Variants in ZNF107 observed in about 807,000 individuals in gnomAD.
The protein encoded by ZNF107 is zinc finger protein 107.
In ZNF107, 19 loss-of-function variants were observed where a neutral mutation model predicts 12.3. The ratio of observed to expected loss-of-function variants is 1.55; its 90% CI spans 1.08 to 2.27. ZNF107 has a LOEUF of 2.27. ZNF107 is among the 30% of genes most tolerant of loss of function. The probability of loss-of-function intolerance (pLI) is 0.00; values close to 1 mark genes in which losing one functional copy is unlikely to be tolerated. For synonymous variants in ZNF107, 317 were observed against 330.5 expected (o/e 0.96, Z 0.44); for missense variants, 958 against 979.9 (o/e 0.98, Z 0.30).
At chr7:64,698,568 C>T (rs1353444076) in intron 3 of ZNF107, among the ~76,000 whole-genome samples, 6 of 152,008 alleles carry the variant, frequency 3.9e-5, no homozygotes, top group South Asian at 4.1e-4. Flanking sequence ...ATTACAGGCT[C>T]CTGCCACCAT....
chr7:64,687,697 G>A (rs1267538770), intron 1 of ZNF107: 1 of 450,314 alleles, frequency 2.2e-6, no homozygotes, highest in Non-Finnish European at 2.9e-6. Flanking sequence ...TATGACATGT[G>A]CTGTAAATTT....
chr7:64,694,046 C>G (rs1288704620), intron 3 of ZNF107, among the ~76,000 whole-genome samples: 1 of 152,082 alleles, frequency 6.6e-6, no homozygotes. Flanking sequence ...TCTCTACCGC[C>G]CAAAGTGCTG....
chr7:64,704,578 T>C (rs62455807), intron 3 of ZNF107, among the ~76,000 whole-genome samples: 8,267 of 152,278 alleles, frequency 0.054, 306 homozygotes, highest in East Asian at 0.15. Flanking sequence ...TATGTGCTGT[T>C]TTCTTGCATC....
intron 1 of ZNF107, among the ~76,000 whole-genome samples, chr7:64,678,801 T>G (rs142079262): frequency 1.2e-3 from 179 of 152,298 alleles, no homozygotes; most frequent in African/African-American, 4.0e-3. Context: ...ATGATTTTAG[T>G]GTCTTTTATT....
chr7:64,704,130 TATA>T (rs1404707810), intron 3 of ZNF107, among the ~76,000 whole-genome samples: 2 of 105,950 alleles, frequency 1.9e-5, no homozygotes, highest in Non-Finnish European at 3.8e-5. Flanking sequence ...AGCAGGTGTT[TATA>T]ATAATTCCTG....
Position 64,707,416 on chromosome 7 carries a change from T to C in ZNF107, c.1319T>C (p.Leu440Pro). 1 of 1,613,332 alleles carries C rather than the reference T, an allele frequency of 6.2e-7. No homozygotes were observed. Among genetic ancestry groups the C allele is most frequent in the Non-Finnish European group, 8.5e-7 (1 of 1,179,674 alleles). ...CGKAFNQSSNLTEHKKIHTAE... is the reference protein window; with the variant it reads ...CGKAFNQSSNPTEHKKIHTAE... ...AAAGCTTTTAACCAATCTTCAAACC[T>C]TACTGAACATAAGAAAATTCATACT... The change falls in exon 4 of 4, where the codon CTT becomes CCT. Residue 440 changes from leucine (L) to proline (P), a missense_variant. By Grantham distance (98) the Leu-to-Pro change is moderately conservative. Transcript: ENST00000620827.
chr7:64,670,524 GA>G (rs1789181531), intron 1 of ZNF107, among the ~76,000 whole-genome samples: 1 of 152,190 alleles, frequency 6.6e-6, no homozygotes. Flanking sequence ...TTTGACCACT[GA>G]AGAAAAATTC....
At chr7:64,671,197 C>T (rs760125176) in intron 1 of ZNF107, among the ~76,000 whole-genome samples, 1 of 152,092 alleles carries the variant, frequency 6.6e-6, no homozygotes, top group Non-Finnish European at 1.5e-5. Flanking sequence ...TTCCAGGTCT[C>T]CTTCCATGGT....
rs1790835179 is a variant in ZNF107 at position 64,710,098 on chromosome 7, A to G, written c.*1442A>G. 6.0e-6 allele frequency: 1 copy of G among 167,140 alleles called. No homozygotes were observed. The highest frequency in any genetic ancestry group is 1.3e-5 in the Non-Finnish European group (1 of 78,310). The allele number at this position is 167,140 out of a possible 1,614,324, so 10.4% of individuals were successfully genotyped here. On this transcript the variant is annotated 3_prime_UTR_variant, in exon 4 of 4. Coordinates refer to ENST00000620827, the MANE Select transcript of ZNF107 (RefSeq NM_001282359.2). The stretch of plus-strand genomic sequence containing the variant: ...AGCTGAAATCACACCACTACACTCC[A>G]GCCAAAGCAACAAGAGCAAAAACTT...
chr7:64,691,857 TA>T lies in ZNF107; in HGVS notation c.131-4del. On this transcript the variant is annotated splice_polypyrimidine_tract_variant and splice_region_variant and intron_variant, in intron 2 of 3. Coordinates refer to ENST00000620827, the MANE Select transcript of ZNF107 (RefSeq NM_001282359.2). ...ATTCATGTTATATATTTATTTTCAA[TA>T]AAACAGGTATTGCTGTCTCTAAGCC... is the stretch of plus-strand genomic sequence containing the variant. 1 of 1,395,338 alleles carries T rather than the reference TA, an allele frequency of 7.2e-7. No homozygotes were observed. The highest frequency in any genetic ancestry group is 9.3e-7 in the Non-Finnish European group (1 of 1,070,550). 86.4% of individuals were successfully genotyped at this position (1,395,338 alleles called of 1,614,324 possible).
intron 1 of ZNF107, among the ~76,000 whole-genome samples, chr7:64,684,106 C>T (rs1390717285): frequency 1.3e-5 from 2 of 152,162 alleles, no homozygotes; most frequent in Admixed American, 6.5e-5. Flanking sequence ...AAAGAGCCAA[C>T]GGCCTCTTAA....
intron 1 of ZNF107, among the ~76,000 whole-genome samples, chr7:64,682,102 C>T (rs1236482549): frequency 1.5e-5 from 1 of 66,026 alleles, no homozygotes; most frequent in Non-Finnish European, 3.1e-5. Context: ...TTTCCTACCT[C>T]ATCCAGTATG....
chr7:64,707,860 C>T lies in ZNF107; in HGVS notation c.1763C>T (p.Thr588Ile). 6.2e-7 allele frequency: 1 copy of T among 1,613,544 alleles called. No individual in the cohort carries two copies. The highest frequency in any genetic ancestry group is 8.5e-7 in the Non-Finnish European group (1 of 1,179,758). The stretch of plus-strand genomic sequence containing the variant: ...CTTACTAGACATAAGATAGTTCATA[C>T]TAAAGAGAAACTCAACAAATGTGAA... The part of the protein sequence containing the change: ...YQLTRHKIVH[T>I]KEKLNKCEEF... Residue 588 changes from threonine (T) to isoleucine (I), a missense_variant, in exon 4 of 4, where the codon ACT becomes ATT. Thr to Ile is a moderately conservative substitution (Grantham distance 89). Transcript: ENST00000620827.
rs761556309 is a variant in ZNF107, at chr7:64,708,204, A to G, written c.2107A>G (p.Lys703Glu). ...TIHKRIHTGE[K>E]PYQCAECGKA... ...ACATAAGAGAATTCATACGGGAGAG[A>G]AACCTTACCAATGTGCAGAATGTGG... The change falls in exon 4 of 4, where the codon AAA becomes GAA. Residue 703 changes from lysine to glutamate, a missense_variant. Lys to Glu is a moderately conservative substitution (Grantham distance 56). Transcript: ENST00000620827. 9.3e-6 allele frequency: 15 copies of G among 1,613,004 alleles called. No homozygotes were observed. The highest frequency in any genetic ancestry group is 1.3e-5 in the Non-Finnish European group (15 of 1,179,640).
At chr7:64,679,366 T>C (rs1241895557) in intron 1 of ZNF107, 1 of 984,782 alleles carries the variant, frequency 1.0e-6, no homozygotes, top group Non-Finnish European at 1.2e-6. Flanking sequence ...TCTCAAACTT[T>C]CCTTTTCTTA....
intron 1 of ZNF107, chr7:64,686,937 A>G: frequency 1.0e-6 from 1 of 985,450 alleles, no homozygotes; most frequent in Non-Finnish European, 1.2e-6. Flanking sequence ...ACACACTTAC[A>G]AAATTCTGCT....
intron 3 of ZNF107, among the ~76,000 whole-genome samples, chr7:64,693,064 T>A (rs187907370): frequency 9.5e-4 from 145 of 152,040 alleles, no homozygotes; most frequent in African/African-American, 3.3e-3. Flanking sequence ...AGTGGCGTGA[T>A]CTCGGCTCAC....
In ZNF107 at chr7:64,707,499, C is replaced by G; in HGVS notation, c.1402C>G (p.Leu468Val). Residue 468 changes from leucine (L) to valine (V), a missense_variant, in exon 4 of 4, where the codon CTA becomes GTA. By Grantham distance (32) the Leu-to-Val change is conservative. Coordinates refer to ENST00000620827, the MANE Select transcript of ZNF107 (RefSeq NM_001282359.2). ...CAAAGCTTTTAACCAACACTCAAAC[C>G]TAATTAACCATAGGAAAATTTATTC... is the stretch of plus-strand genomic sequence containing the variant. The part of the protein sequence containing the change: ...CGKAFNQHSN[L>V]INHRKIYSGE... 6.2e-7 allele frequency: 1 copy of G among 1,613,330 alleles called. No individual in the cohort carries two copies. The highest frequency in any genetic ancestry group is 8.5e-7 in the Non-Finnish European group (1 of 1,179,658).
At chr7:64,670,170 C>G (rs1046552346) in intron 1 of ZNF107, among the ~76,000 whole-genome samples, 1 of 151,974 alleles carries the variant, frequency 6.6e-6, no homozygotes, top group Admixed American at 6.6e-5. Flanking sequence ...TTTGTAAAAA[C>G]AGAATAAGGT....
Sources: gnomAD v4.1 joint callset for allele counts (sites outside exome capture counted in the v4.1 genomes callset) on GRCh38, gnomAD v4.1.1 for gene constraint, MANE v1.5 for transcripts, NCBI Gene and HGNC (gene_info 2026-07-23, HGNC 2026-07-21) for gene names.